MYZAP: variants seen among roughly 807,000 people sequenced by gnomAD.
MYZAP encodes the protein myocardial zonula adherens protein, also known as GRINL1A complex locus upstream.
Under a neutral mutation model 69.4 loss-of-function variants are expected in MYZAP, and 66 were observed. That is an observed-to-expected ratio of 0.95 (90% CI 0.78 to 1.17). The LOEUF (loss-of-function observed/expected upper bound fraction) is 1.17. Among genes scored for constraint, MYZAP ranks in the 50% most tolerant of loss-of-function variants. The pLI is 0.00. For missense variants in MYZAP, 611 were observed against 556.2 expected (o/e 1.10, Z -0.99); for synonymous variants, 256 against 205.9 (o/e 1.24, Z -2.09).
chr15:57,630,362 T>C (rs1383962877), intron 6 of MYZAP, among the ~76,000 whole-genome samples: 1 of 152,202 alleles, frequency 6.6e-6, no homozygotes, highest in Non-Finnish European at 1.5e-5. Flanking sequence ...CATGGTGCTG[T>C]TGTTATGTAA....
intron 11 of MYZAP, among the ~76,000 whole-genome samples, chr15:57,672,540 C>A (rs553954022): frequency 2.6e-5 from 4 of 152,322 alleles, no homozygotes; most frequent in Non-Finnish European, 5.9e-5. Flanking sequence ...GTGCAGCCCC[C>A]ACTCTTTAGC....
chr15:57,618,044 G>A lies in MYZAP; in HGVS notation c.174G>A (p.Leu58=). 1.2e-6 allele frequency: 2 copies of A among 1,613,318 alleles called. No homozygotes were observed. The highest frequency in any genetic ancestry group is 1.7e-6 in the Non-Finnish European group (2 of 1,179,854). Residue 58 remains leucine, a synonymous_variant, in exon 3 of 13, where the codon CTG becomes CTA. Coordinates refer to ENST00000267853, the MANE Select transcript of MYZAP (RefSeq NM_001018100.5). ...CTACTTTCTTTTAGCTTCTTGACCT[G>A]AGCAATGGAGAACCTACCAGGAAAC... ...KIERKEQLLD[L]SNGEPTRKLP...
At chr15:57,669,051 C>T (rs1015468957) in intron 11 of MYZAP, among the ~76,000 whole-genome samples, 88 of 151,794 alleles carry the variant, frequency 5.8e-4, no homozygotes, top group African/African-American at 1.6e-3. Context: ...CCACCACGCT[C>T]GGCTAATTTT....
intron 10 of MYZAP, among the ~76,000 whole-genome samples, chr15:57,644,564 A>G (rs2037341747): frequency 6.6e-6 from 1 of 151,708 alleles, no homozygotes; most frequent in African/African-American, 2.4e-5. Context: ...TCCCCACTCA[A>G]CCTCCCAAGT....
chr15:57,607,524 C>A (rs755593418), intron 2 of MYZAP, among the ~76,000 whole-genome samples: 1 of 152,090 alleles, frequency 6.6e-6, no homozygotes, highest in Non-Finnish European at 1.5e-5. Flanking sequence ...GTGGTACTAA[C>A]GGGGGCCCAA....
At chr15:57,672,924 C>G (rs921246854) in intron 11 of MYZAP, among the ~76,000 whole-genome samples, 1 of 152,108 alleles carries the variant, frequency 6.6e-6, no homozygotes, top group Admixed American at 6.5e-5. Context: ...CTTAGCACAT[C>G]GTTCTATTAT....
At chr15:57,659,499 T>TA (rs1218566217) in intron 10 of MYZAP, among the ~76,000 whole-genome samples, 1 of 152,238 alleles carries the variant, frequency 6.6e-6, no homozygotes, top group East Asian at 1.9e-4. Context: ...TGCTTTCTCT[T>TA]ACAGTAAAAA....
At chr15:57,593,012 G>T (rs2033785620) in intron 1 of MYZAP, among the ~76,000 whole-genome samples, 1 of 152,128 alleles carries the variant, frequency 6.6e-6, no homozygotes, top group Non-Finnish European at 1.5e-5. Context: ...CTGCGTGCAG[G>T]CTTGGACCTG....
chr15:57,672,252 A>T (rs1206679486), intron 11 of MYZAP, among the ~76,000 whole-genome samples: 1 of 152,152 alleles, frequency 6.6e-6, no homozygotes, highest in Non-Finnish European at 1.5e-5. Context: ...CCCCAGAAAG[A>T]TGATCTTTCT....
intron 10 of MYZAP, among the ~76,000 whole-genome samples, chr15:57,641,364 G>A (rs755434631): frequency 5.9e-5 from 9 of 152,130 alleles, no homozygotes; most frequent in Non-Finnish European, 1.0e-4. Flanking sequence ...GTACACATAC[G>A]TACACACATA....
At chr15:57,632,021 G>A (rs181602276) in intron 6 of MYZAP, among the ~76,000 whole-genome samples, 187 of 152,294 alleles carry the variant, frequency 1.2e-3, no homozygotes, top group Admixed American at 3.4e-3. Context: ...CCCATGCTAG[G>A]TTGGAATGTT....
chr15:57,679,848 C>T (rs538501171), intron 12 of MYZAP, among the ~76,000 whole-genome samples: 1 of 152,322 alleles, frequency 6.6e-6, no homozygotes, highest in Admixed American at 6.5e-5. Context: ...TGGGCACACT[C>T]CCAGCTGGTG....
At chr15:57,628,168 G>C (rs1020004216) in intron 5 of MYZAP, among the ~76,000 whole-genome samples, 1 of 152,212 alleles carries the variant, frequency 6.6e-6, no homozygotes, top group Non-Finnish European at 1.5e-5. Context: ...AGTAGAAGAT[G>C]ACTTTCCAAC....
chr15:57,683,678 A>G (rs1245513806), intron 12 of MYZAP, among the ~76,000 whole-genome samples: 10 of 152,198 alleles, frequency 6.6e-5, no homozygotes, highest in Admixed American at 2.0e-4. Context: ...TGGGATGTCT[A>G]AGACCAAGGT....
At chr15:57,604,117 G>A (rs1160307207) in intron 1 of MYZAP, 152 bp from the exon 2 acceptor site, 12 of 792,998 alleles carry the variant, frequency 1.5e-5, no homozygotes, top group East Asian at 7.7e-5. Flanking sequence ...TGAAGGTAAG[G>A]CTGGCCTTAT....
intron 10 of MYZAP, among the ~76,000 whole-genome samples, chr15:57,645,445 T>C (rs1428711215): frequency 6.6e-6 from 1 of 152,220 alleles, no homozygotes; most frequent in African/African-American, 2.4e-5. Context: ...AAAGATGGCC[T>C]AGAAAAATAG....
chr15:57,616,995 G>A (rs1024395489), intron 2 of MYZAP, among the ~76,000 whole-genome samples: 3 of 151,974 alleles, frequency 2.0e-5, no homozygotes, highest in Admixed American at 6.6e-5. Flanking sequence ...AGGTCAGTTT[G>A]TCTGAAGTCT....
intron 4 of MYZAP, among the ~76,000 whole-genome samples, chr15:57,624,011 G>C (rs1301229185): frequency 6.6e-6 from 1 of 152,132 alleles, no homozygotes; most frequent in African/African-American, 2.4e-5. Flanking sequence ...ACTAACAACT[G>C]TTTCTAATTG....
At chr15:57,594,624 T>TG (rs2033937390) in intron 1 of MYZAP, among the ~76,000 whole-genome samples, 1 of 152,180 alleles carries the variant, frequency 6.6e-6, no homozygotes, top group Non-Finnish European at 1.5e-5. Context: ...CCTAGGTGTG[T>TG]GGTAGGCTAT....
Sources: allele counts gnomAD v4.1 joint callset (sites outside exome capture counted in the v4.1 genomes callset), GRCh38; gene constraint gnomAD v4.1.1; transcripts MANE v1.5; gene names NCBI Gene and HGNC (gene_info 2026-07-23, HGNC 2026-07-21).